The following PRRX1 variants were observed in gnomAD, a reference collection of about 807,000 sequenced individuals.
The protein encoded by PRRX1 is paired mesoderm homeobox protein 1.
PRRX1 carries 8 observed loss-of-function variants against 24.0 expected under a neutral mutation model. The observed-to-expected ratio is 0.33, with a 90% CI of 0.20 to 0.60. PRRX1 has a LOEUF of 0.60. Ranked by LOEUF, PRRX1 falls within the 20% of genes least tolerant of loss-of-function variation. The pLI, the probability that PRRX1 is intolerant of heterozygous loss-of-function variation, is 0.82. For missense variants in PRRX1, 281 were observed against 322.4 expected (o/e 0.87, Z 0.98); for synonymous variants, 160 against 131.7 (o/e 1.22, Z -1.47).
At chr1:170,664,819 G>C (rs539465369) in intron 1 of PRRX1, among the ~76,000 whole-genome samples, 12 of 152,348 alleles carry the variant, frequency 7.9e-5, no homozygotes, top group African/African-American at 2.4e-4. Flanking sequence ...AGGTCTTAGC[G>C]GGGTGCAAAC....
chr1:170,669,221 G>A (rs145154976), intron 1 of PRRX1: 1 of 151,830 alleles, frequency 6.6e-6, no homozygotes, highest in East Asian at 1.9e-4. Flanking sequence ...CCATGTGTTA[G>A]ACGTCGTGCA....
At chr1:170,698,373 T>C (rs1364102694) in intron 1 of PRRX1, among the ~76,000 whole-genome samples, 3 of 152,106 alleles carry the variant, frequency 2.0e-5, no homozygotes, top group Non-Finnish European at 2.9e-5. Flanking sequence ...TTTAAAAAAA[T>C]TAAAAACTGA....
At chr1:170,721,180 T>A (rs1434951147) in intron 2 of PRRX1, among the ~76,000 whole-genome samples, 1 of 152,216 alleles carries the variant, frequency 6.6e-6, no homozygotes, top group African/African-American at 2.4e-5. Context: ...GCTAAATGCC[T>A]TTTCAAGTAG....
At chr1:170,735,198 A>G (rs1201644390) in intron 3 of PRRX1, among the ~76,000 whole-genome samples, 1 of 152,230 alleles carries the variant, frequency 6.6e-6, no homozygotes, top group East Asian at 1.9e-4. Context: ...AAACCCACCA[A>G]TGATAAATTT....
chr1:170,681,224 G>A (rs1050909905), intron 1 of PRRX1, among the ~76,000 whole-genome samples: 5 of 152,098 alleles, frequency 3.3e-5, no homozygotes, highest in African/African-American at 1.2e-4. Flanking sequence ...TTACCAATAG[G>A]GCTTTGAGAC....
rs1312839959 is a variant in PRRX1 at position 170,739,168 on chromosome 1, A to C, written c.*2982A>C. 2.4e-5 allele frequency: 5 copies of C among 209,052 alleles called. No individual in the cohort carries two copies. Among genetic ancestry groups the C allele is most frequent in the East Asian group, 1.5e-4 (2 of 13,788 alleles). 12.9% of individuals were successfully genotyped at this position (209,052 alleles called of 1,614,324 possible). A position where few individuals can be genotyped will look rare whatever the true frequency, so the allele number is the denominator to read the frequency against. ...AGATACAGGTGAATACATAGGAACT[A>C]TCTGCCTGTGTCCTCAATCTCCCTT... is the stretch of plus-strand genomic sequence containing the variant. On this transcript the variant is annotated 3_prime_UTR_variant, in exon 4 of 4. Transcript: ENST00000239461.
intron 1 of PRRX1, among the ~76,000 whole-genome samples, chr1:170,671,953 A>T (rs1653158484): frequency 6.6e-6 from 1 of 152,198 alleles, no homozygotes; most frequent in African/African-American, 2.4e-5. Flanking sequence ...TATTAGTGAG[A>T]TGTTGAAAAA....
In PRRX1 at chr1:170,731,833, T is replaced by A. The variant is rs905690211; in HGVS notation, c.600-4215T>A. On this transcript the variant is annotated intron_variant, in intron 3 of 3. Transcript: ENST00000239461. ...AGCTCTGTGTAAGTCTCAGGGCAGA[T>A]TAGCTGAATCAACAGATGGGGTGCA... 3.3e-5 allele frequency among the ~76,000 whole-genome samples: 5 copies of A among 152,206 alleles called. No homozygotes were observed. In the East Asian group the frequency reaches 9.6e-4, roughly 29 times the overall value.
At chr1:170,709,292 G>C (rs1001704775) in intron 1 of PRRX1, among the ~76,000 whole-genome samples, 2 of 152,188 alleles carry the variant, frequency 1.3e-5, no homozygotes, top group African/African-American at 4.8e-5. Context: ...GTAAAAGTTA[G>C]TAGGTATGGG....
intron 1 of PRRX1, among the ~76,000 whole-genome samples, chr1:170,669,744 G>C (rs1053759827): frequency 3.9e-5 from 6 of 152,096 alleles, no homozygotes; most frequent in Non-Finnish European, 8.8e-5. Flanking sequence ...GCAAAGGTCT[G>C]TACGTGCCTG....
intron 1 of PRRX1, among the ~76,000 whole-genome samples, chr1:170,709,019 A>T (rs980229245): frequency 6.6e-6 from 1 of 152,242 alleles, no homozygotes; most frequent in Non-Finnish European, 1.5e-5. Flanking sequence ...TAAGAGAAGT[A>T]CCCAAAATAT....
chr1:170,720,718 T>A (rs1434093259), intron 2 of PRRX1, among the ~76,000 whole-genome samples: 1 of 152,132 alleles, frequency 6.6e-6, no homozygotes, highest in Non-Finnish European at 1.5e-5. Context: ...AGAGCACACT[T>A]AAGTGGATGA....
Position 170,664,402 on chromosome 1 carries a change from C to T in PRRX1, c.184C>T (p.Arg62Trp), listed in dbSNP as rs570603113. ...QADENVGEAG[R>W]SLLESPGLTS... Reference sequence around the variant, plus strand: ...GGATGAGAACGTGGGCGAGGCTGGCCGGAGCCTGCTGGAGTCGCCGGGACT... The same window carrying T: ...GGATGAGAACGTGGGCGAGGCTGGCTGGAGCCTGCTGGAGTCGCCGGGACT... Residue 62 changes from arginine to tryptophan, a missense_variant, in exon 1 of 4, where the codon CGG (arginine) becomes TGG (tryptophan). By Grantham distance (101) the Arg-to-Trp change is moderately radical. Transcript: ENST00000239461. 5 of 1,612,484 alleles carry T rather than the reference C, an allele frequency of 3.1e-6. No individual in the cohort carries two copies. The highest frequency in any genetic ancestry group is 4.5e-5 in the East Asian group (2 of 44,844).
chr1:170,709,755 G>T (rs1265209835), intron 1 of PRRX1, among the ~76,000 whole-genome samples: 1 of 152,168 alleles, frequency 6.6e-6, no homozygotes, highest in Non-Finnish European at 1.5e-5. Context: ...AATGAATAAA[G>T]TGATAGGGAG....
chr1:170,726,449 A>C, intron 3 of PRRX1, 48 bp downstream of exon 3: 11 of 1,589,106 alleles, frequency 6.9e-6, no homozygotes, highest in Non-Finnish European at 8.6e-6. Context: ...CATGTTTCTC[A>C]GCGGTCGGTC....
intron 1 of PRRX1, among the ~76,000 whole-genome samples, chr1:170,703,695 C>G (rs1157255695): frequency 6.6e-6 from 1 of 152,018 alleles, no homozygotes. Context: ...AGAACTTGGG[C>G]TCTGTAGCCA....
intron 3 of PRRX1, among the ~76,000 whole-genome samples, chr1:170,735,708 A>T (rs990693071): frequency 4.6e-5 from 7 of 152,152 alleles, no homozygotes; most frequent in African/African-American, 1.7e-4. Context: ...ATACTGTTTT[A>T]ATAAGTCAGC....
chr1:170,681,494 C>CAA (rs35891147), intron 1 of PRRX1, among the ~76,000 whole-genome samples: 6,924 of 143,778 alleles, frequency 0.048, 509 homozygotes, highest in African/African-American at 0.16. Flanking sequence ...GTTATCTTTG[C>CAA]AAAAAAAAAA....
chr1:170,705,915 T>TACACACAC (rs1654541430), intron 1 of PRRX1, among the ~76,000 whole-genome samples: 1 of 115,974 alleles, frequency 8.6e-6, no homozygotes, highest in South Asian at 3.4e-4. Flanking sequence ...TATACCCACA[T>TACACACAC]AGACACACAC....
Sources: gnomAD v4.1 joint callset for allele counts (sites outside exome capture counted in the v4.1 genomes callset) on GRCh38, gnomAD v4.1.1 for gene constraint, MANE v1.5 for transcripts, NCBI Gene and HGNC (gene_info 2026-07-23, HGNC 2026-07-21) for gene names.